ACLY: variants seen among roughly 807,000 people sequenced by gnomAD.
ACLY encodes ATP-citrate synthase.
ACLY carries 41 observed loss-of-function variants against 133.0 expected under a neutral mutation model. The observed-to-expected ratio is 0.31, with a 90% CI of 0.24 to 0.40. ACLY has a LOEUF of 0.40. ACLY is among the 10% of genes least tolerant of loss of function. ACLY has a pLI of 1.00. For synonymous variants in ACLY, 495 were observed against 549.3 expected, an observed-to-expected ratio of 0.90 and a Z score of 1.38; for missense variants, 1,046 against 1,453.8, an observed-to-expected ratio of 0.72 and a Z score of 4.56.
At chr17:41,875,630 G>A (rs2048722968) in intron 22 of ACLY, among the ~76,000 whole-genome samples, 2 of 152,206 alleles carry the variant, frequency 1.3e-5, no homozygotes, top group South Asian at 4.1e-4. Context: ...TTTTGGTGGA[G>A]ACGGGGTTTC....
chr17:41,930,524 T>A, exon 1 of ACLY: 1 of 546,182 alleles, frequency 1.8e-6, no homozygotes, highest in Non-Finnish European at 3.3e-6. Flanking sequence ...CATCACTCCC[T>A]GGCCCAGTGC....
chr17:41,897,925 T>A, intron 12 of ACLY, 86 bp from the exon 13 acceptor site: 1 of 1,229,714 alleles, frequency 8.1e-7, no homozygotes, highest in South Asian at 1.4e-5. Flanking sequence ...CAAAGAAAAC[T>A]CGTAATAAAA....
At chr17:41,926,081 G>A (rs1026603542) in intron 1 of ACLY, among the ~76,000 whole-genome samples, 1 of 152,160 alleles carries the variant, frequency 6.6e-6, no homozygotes, top group African/African-American at 2.4e-5. Flanking sequence ...CCGACTCGAG[G>A]TGATCTGCCT....
At chr17:41,881,433 A>C (rs2048914505) in intron 20 of ACLY, among the ~76,000 whole-genome samples, 3 of 151,360 alleles carry the variant, frequency 2.0e-5, no homozygotes, top group Admixed American at 2.0e-4. Context: ...AAAAAAAAAA[A>C]AAAAAAAGGA....
At chr17:41,878,264 A>C in intron 21 of ACLY, 68 bp from the exon 22 acceptor site, 1 of 1,083,408 alleles carries the variant, frequency 9.2e-7, no homozygotes, top group Non-Finnish European at 1.3e-6. Context: ...AGACATCCCA[A>C]GAATGCTCTA....
intron 16 of ACLY, among the ~76,000 whole-genome samples, chr17:41,889,524 CAAAAAAAAAAAAA>C (rs533387140): frequency 9.8e-4 from 31 of 31,598 alleles, no homozygotes; most frequent in East Asian, 8.0e-3. Context: ...CTCCATTTCA[CAAAAAAAAAAAAA>C]AAAAAAAAAA....
chr17:41,907,305 G>GA, intron 7 of ACLY, 137 bp downstream of exon 7: 2 of 357,070 alleles, frequency 5.6e-6, no homozygotes, highest in Admixed American at 3.9e-5. Flanking sequence ...GAGGTTTTAA[G>GA]AAAATTAAAT....
At chr17:41,903,801 C>T (rs1370702843) in intron 10 of ACLY, among the ~76,000 whole-genome samples, 2 of 143,842 alleles carry the variant, frequency 1.4e-5, no homozygotes, top group African/African-American at 2.6e-5. Context: ...TGCAGAGAAC[C>T]CAGAGTCTCA....
intron 14 of ACLY, among the ~76,000 whole-genome samples, chr17:41,896,381 G>A (rs2049366042): frequency 6.6e-6 from 1 of 152,156 alleles, no homozygotes; most frequent in African/African-American, 2.4e-5. Context: ...TCCCAAGCTT[G>A]GAGCCAGAAA....
At chr17:41,925,434 CAAA>C (rs34698648) in intron 1 of ACLY, among the ~76,000 whole-genome samples, 10 of 111,024 alleles carry the variant, frequency 9.0e-5, no homozygotes, top group Admixed American at 1.9e-4. Flanking sequence ...CCTTCTCTAC[CAAA>C]AAAAAAAAAA....
At chr17:41,920,256 C>T (rs1216276259), upstream of ACLY, among the ~76,000 whole-genome samples, 1 of 152,170 alleles carries the variant, frequency 6.6e-6, no homozygotes, top group Non-Finnish European at 1.5e-5. Flanking sequence ...CCTTCCCTCC[C>T]ATTCATCTTT....
At position 41,897,691 on chromosome 17, in the gene ACLY, A is replaced by G. The variant is rs1598013854; in HGVS notation, c.1429+58T>C. 5 of 1,506,148 alleles carry G rather than the reference A, an allele frequency of 3.3e-6. No individual in the cohort carries two copies. In the East Asian group the frequency reaches 1.2e-4, roughly 35 times the overall value. The allele number at this position is 1,506,148 out of a possible 1,614,324, so 93.3% of individuals were successfully genotyped here. On this transcript the variant is annotated intron_variant, in intron 13 of 28. Coordinates refer to ENST00000352035, the MANE Select transcript of ACLY (RefSeq NM_001096.3). ...GGGGGGAAAGGGAAAGGGGAGAGAG[A>G]TACAGAGGGTACCGCAAGGCCACTC...
intron 26 of ACLY, 144 bp from the exon 27 acceptor site, chr17:41,869,269 T>A: frequency 1.2e-6 from 1 of 854,814 alleles, no homozygotes; most frequent in African/African-American, 1.7e-5. Flanking sequence ...TGTGTCTGAC[T>A]CAGTTCAATT....
chr17:41,891,484 C>G (rs1470122343), intron 16 of ACLY, among the ~76,000 whole-genome samples: 2 of 151,990 alleles, frequency 1.3e-5, no homozygotes, highest in Non-Finnish European at 2.9e-5. Flanking sequence ...CTCACTGTAG[C>G]CTTGACCTCC....
intron 17 of ACLY, 34 bp downstream of exon 17, chr17:41,887,565 C>T (rs375260598): frequency 2.5e-6 from 4 of 1,578,486 alleles, no homozygotes; most frequent in Admixed American, 1.7e-5. Context: ...AAGATAGCAT[C>T]GAACGTAAAA....
intron 2 of ACLY, 135 bp from the exon 3 acceptor site, chr17:41,912,677 G>C (rs1200418630): frequency 3.6e-6 from 4 of 1,120,218 alleles, no homozygotes; most frequent in Non-Finnish European, 5.1e-6. Context: ...CCATCCTTCA[G>C]AGTCAACTCC....
At chr17:41,905,737 G>A (rs1050212381) in intron 8 of ACLY, 79 bp from the exon 9 acceptor site, 5 of 1,565,428 alleles carry the variant, frequency 3.2e-6, no homozygotes, top group Non-Finnish European at 2.6e-6. Flanking sequence ...GAGGACACAC[G>A]GATCCCTCAA....
At chr17:41,895,943 A>C (rs1311483267) in intron 14 of ACLY, among the ~76,000 whole-genome samples, 7 of 152,200 alleles carry the variant, frequency 4.6e-5, no homozygotes, top group Admixed American at 3.3e-4. Flanking sequence ...ATGCGCATGC[A>C]CAGAAGTATC....
intron 1 of ACLY, among the ~76,000 whole-genome samples, chr17:41,916,154 T>C (rs2050046343): frequency 6.6e-6 from 1 of 152,012 alleles, no homozygotes; most frequent in Non-Finnish European, 1.5e-5. Context: ...GAAGACACAA[T>C]GGGATAATAC....
Sources: gnomAD v4.1 joint callset for allele counts (sites outside exome capture counted in the v4.1 genomes callset) on GRCh38, gnomAD v4.1.1 for gene constraint, MANE v1.5 for transcripts, NCBI Gene and HGNC (gene_info 2026-07-23, HGNC 2026-07-21) for gene names.